Variants in ROR1 observed in about 807,000 individuals in gnomAD.
ROR1 encodes the protein ROR family WNT receptor 1, also known as inactive tyrosine-protein kinase transmembrane receptor ROR1.
In ROR1, 19 loss-of-function variants were observed where a neutral mutation model predicts 78.8. The ratio of observed to expected loss-of-function variants is 0.24; its 90% CI spans 0.17 to 0.35. The LOEUF is 0.35. Among genes scored for constraint, ROR1 ranks in the 10% least tolerant of loss-of-function variants. ROR1 has a pLI of 1.00. For synonymous variants in ROR1, 386 were observed against 433.6 expected (o/e 0.89, Z 1.36); for missense variants, 917 against 1,177.8 (o/e 0.78, Z 3.24).
chr1:63,981,501 G>C (rs1481343091), intron 1 of ROR1, among the ~76,000 whole-genome samples: 1 of 152,120 alleles, frequency 6.6e-6, no homozygotes, highest in Non-Finnish European at 1.5e-5. Flanking sequence ...TTCTTGCCTG[G>C]AGAGAAAGCC....
At chr1:64,159,792 A>T (rs770336835) in intron 8 of ROR1, among the ~76,000 whole-genome samples, 6 of 152,096 alleles carry the variant, frequency 3.9e-5, no homozygotes, top group Non-Finnish European at 8.8e-5. Flanking sequence ...CTGTTTTATG[A>T]TAACCAACCT....
At chr1:64,055,239 C>A (rs377421109) in intron 4 of ROR1, among the ~76,000 whole-genome samples, 1 of 152,154 alleles carries the variant, frequency 6.6e-6, no homozygotes, top group Admixed American at 6.5e-5. Flanking sequence ...CTTTCAGAAG[C>A]GCTGGTTGGA....
intron 1 of ROR1, among the ~76,000 whole-genome samples, chr1:63,959,373 C>A (rs1646009794): frequency 6.6e-6 from 1 of 152,112 alleles, no homozygotes; most frequent in Non-Finnish European, 1.5e-5. Flanking sequence ...ACTGGGTAGA[C>A]AGCTAGCAGT....
chr1:64,147,826 G>A (rs533305794), intron 7 of ROR1, among the ~76,000 whole-genome samples: 1 of 152,224 alleles, frequency 6.6e-6, no homozygotes, highest in South Asian at 2.1e-4. Flanking sequence ...TTCTACACCA[G>A]TGATTCTCAA....
chr1:64,136,972 G>A lies in ROR1; in HGVS notation c.483-397G>A, dbSNP rs539239925. Reference sequence around the variant, plus strand: ...CGTGTCAGTTGGAGTGGATCTGTTCGCCCACGCCTTTGTAGCAAATGAAGC... The same window carrying A: ...CGTGTCAGTTGGAGTGGATCTGTTCACCCACGCCTTTGTAGCAAATGAAGC... On this transcript the variant is annotated intron_variant, in intron 4 of 8. Transcript: ENST00000371079. 8.5e-5 allele frequency among the ~76,000 whole-genome samples: 13 copies of A among 152,140 alleles called. No individual in the cohort carries two copies. In the South Asian group the frequency reaches 2.1e-3, roughly 24 times the overall value.
chr1:63,962,456 C>A (rs1308745921), intron 1 of ROR1, among the ~76,000 whole-genome samples: 3 of 152,152 alleles, frequency 2.0e-5, no homozygotes, highest in East Asian at 3.9e-4. Context: ...TCACTGCAAT[C>A]TGGAGATGTT....
intron 1 of ROR1, among the ~76,000 whole-genome samples, chr1:63,887,771 T>A (rs944263137): frequency 9.9e-5 from 15 of 152,214 alleles, no homozygotes; most frequent in East Asian, 3.8e-4. Context: ...TCTTTGACAA[T>A]GATGGGCCTA....
intron 1 of ROR1, among the ~76,000 whole-genome samples, chr1:63,838,202 G>A (rs1440957973): frequency 1.3e-5 from 2 of 152,014 alleles, no homozygotes; most frequent in African/African-American, 2.4e-5. Flanking sequence ...AGTGGTCTAC[G>A]TATTTACTAT....
At chr1:64,129,597 G>C (rs1190290812) in intron 4 of ROR1, among the ~76,000 whole-genome samples, 1 of 152,150 alleles carries the variant, frequency 6.6e-6, no homozygotes, top group African/African-American at 2.4e-5. Flanking sequence ...GCCCTTAACA[G>C]AGGAAAAGTA....
chr1:64,179,536 G>A lies in ROR1; in HGVS notation c.*681G>A, dbSNP rs1650494429. Reference sequence around the variant, plus strand: ...GGTCTTTCCCACAGTTTCTCACAGTGTGTTTACACTGCCCTTGGAATAACA... The same window carrying A: ...GGTCTTTCCCACAGTTTCTCACAGTATGTTTACACTGCCCTTGGAATAACA... On this transcript the variant is annotated 3_prime_UTR_variant, in exon 9 of 9. Transcript: ENST00000371079. 1 of 152,280 alleles carries A rather than the reference G, an allele frequency of 6.6e-6. No homozygotes were observed. Among genetic ancestry groups the A allele is most frequent in the Non-Finnish European group, 1.5e-5 (1 of 68,122 alleles). The allele number at this position is 152,280 out of a possible 1,614,324, so 9.4% of individuals were successfully genotyped here. A position where few individuals can be genotyped will look rare whatever the true frequency, so the allele number is the denominator to read the frequency against.
At chr1:64,077,592 G>T (rs1370071830) in intron 4 of ROR1, among the ~76,000 whole-genome samples, 1 of 152,210 alleles carries the variant, frequency 6.6e-6, no homozygotes, top group Non-Finnish European at 1.5e-5. Flanking sequence ...ACTCAAAGAG[G>T]CTGGCTGCTC....
chr1:63,788,117 G>C (rs982624539), intron 1 of ROR1, among the ~76,000 whole-genome samples: 1 of 152,180 alleles, frequency 6.6e-6, no homozygotes, highest in Non-Finnish European at 1.5e-5. Flanking sequence ...GCCAGTAGAC[G>C]CTGCTTTCAT....
intron 1 of ROR1, among the ~76,000 whole-genome samples, chr1:63,784,930 A>T (rs1045724331): frequency 1.3e-5 from 2 of 152,266 alleles, no homozygotes; most frequent in Non-Finnish European, 2.9e-5. Flanking sequence ...ATTTTATAAT[A>T]CAGTTATCTC....
chr1:63,790,790 A>G (rs1644721595), intron 1 of ROR1, among the ~76,000 whole-genome samples: 2 of 152,222 alleles, frequency 1.3e-5, no homozygotes, highest in African/African-American at 2.4e-5. Flanking sequence ...AGGTCTCATT[A>G]CTAGGGAAAT....
At chr1:63,989,378 G>C (rs1234674899) in intron 1 of ROR1, among the ~76,000 whole-genome samples, 1 of 151,924 alleles carries the variant, frequency 6.6e-6, no homozygotes, top group Admixed American at 6.6e-5. Context: ...AAAATACTTA[G>C]TTCACCATCT....
intron 1 of ROR1, among the ~76,000 whole-genome samples, chr1:63,877,763 C>G (rs1645297034): frequency 6.6e-6 from 1 of 152,046 alleles, no homozygotes; most frequent in Non-Finnish European, 1.5e-5. Flanking sequence ...GAAAATTTAT[C>G]AGCTCCTATA....
intron 1 of ROR1, among the ~76,000 whole-genome samples, chr1:63,977,089 A>C (rs1646167503): frequency 6.6e-6 from 1 of 152,076 alleles, no homozygotes; most frequent in Non-Finnish European, 1.5e-5. Context: ...GCCCCTTATA[A>C]AACCATCAGA....
intron 1 of ROR1, among the ~76,000 whole-genome samples, chr1:63,975,744 G>T (rs1646154766): frequency 6.6e-6 from 1 of 152,152 alleles, no homozygotes; most frequent in Non-Finnish European, 1.5e-5. Flanking sequence ...ATCTGCTAAA[G>T]CTGAGCTCTT....
chr1:63,935,128 C>A (rs1046674497), intron 1 of ROR1, among the ~76,000 whole-genome samples: 1 of 149,220 alleles, frequency 6.7e-6, no homozygotes, highest in Non-Finnish European at 1.5e-5. Context: ...TTCAGTAATT[C>A]ATTGCCCAAC....
Sources: allele counts gnomAD v4.1 joint callset (sites outside exome capture counted in the v4.1 genomes callset), GRCh38; gene constraint gnomAD v4.1.1; transcripts MANE v1.5; gene names NCBI Gene and HGNC (gene_info 2026-07-23, HGNC 2026-07-21).